ZBTB20: variants seen among roughly 807,000 people sequenced by gnomAD.
ZBTB20 encodes zinc finger and BTB domain-containing protein 20.
ZBTB20 carries 9 observed loss-of-function variants against 56.9 expected under a neutral mutation model. The ratio of observed to expected loss-of-function variants is 0.16; its 90% CI spans 0.10 to 0.28. ZBTB20 has a LOEUF of 0.28. Ranked by LOEUF, ZBTB20 falls within the 10% of genes least tolerant of loss-of-function variation. ZBTB20 has a pLI of 1.00. For missense variants in ZBTB20, 655 were observed against 1,003.0 expected, an observed-to-expected ratio of 0.65 and a Z score of 4.69; for synonymous variants, 417 against 420.7, an observed-to-expected ratio of 0.99 and a Z score of 0.11.
chr3:114,435,363 T>G (rs2090448341), intron 7 of ZBTB20, among the ~76,000 whole-genome samples: 1 of 152,214 alleles, frequency 6.6e-6, no homozygotes, highest in African/African-American at 2.4e-5. Flanking sequence ...GTTATCTCAT[T>G]TGATCTTCAT....
intron 2 of ZBTB20, among the ~76,000 whole-genome samples, chr3:115,027,902 A>G (rs1301901111): frequency 6.6e-6 from 1 of 150,834 alleles, no homozygotes; most frequent in Non-Finnish European, 1.5e-5. Context: ...AGCAAATTCT[A>G]TTTAATTTCC....
At chr3:114,864,880 T>C (rs1461891356) in intron 4 of ZBTB20, among the ~76,000 whole-genome samples, 1 of 152,150 alleles carries the variant, frequency 6.6e-6, no homozygotes, top group Admixed American at 6.5e-5. Flanking sequence ...GCCACACTTC[T>C]TCAATCTGCA....
intron 2 of ZBTB20, among the ~76,000 whole-genome samples, chr3:115,056,144 T>C (rs2081772835): frequency 1.3e-5 from 2 of 152,094 alleles, no homozygotes; most frequent in African/African-American, 4.8e-5. Flanking sequence ...GTGTAAAACA[T>C]TTTTTACAGC....
intron 2 of ZBTB20, among the ~76,000 whole-genome samples, chr3:114,979,172 A>G (rs1373598805): frequency 6.6e-6 from 1 of 152,070 alleles, no homozygotes; most frequent in Non-Finnish European, 1.5e-5. Flanking sequence ...AAAGAAAAGC[A>G]CAGCCTGGAA....
intron 6 of ZBTB20, among the ~76,000 whole-genome samples, chr3:114,618,687 A>G (rs1315799102): frequency 6.6e-6 from 1 of 152,230 alleles, no homozygotes; most frequent in Non-Finnish European, 1.5e-5. Context: ...TGAATGGGTT[A>G]CTATTATCCT....
intron 6 of ZBTB20, among the ~76,000 whole-genome samples, chr3:114,576,049 A>C (rs2053978658): frequency 6.6e-6 from 1 of 152,230 alleles, no homozygotes; most frequent in Admixed American, 6.5e-5. Context: ...CCGTGTGTGC[A>C]TGTGTGTAAC....
chr3:114,877,866 C>G (rs1011232418), intron 4 of ZBTB20, among the ~76,000 whole-genome samples: 1 of 152,016 alleles, frequency 6.6e-6, no homozygotes, highest in African/African-American at 2.4e-5. Context: ...TACAATTTAA[C>G]TGCTAGCTTG....
chr3:114,605,165 A>G (rs1360233834), intron 6 of ZBTB20, among the ~76,000 whole-genome samples: 1 of 152,132 alleles, frequency 6.6e-6, no homozygotes, highest in Non-Finnish European at 1.5e-5. Context: ...GTGCATTATA[A>G]TTAATAATAA....
intron 2 of ZBTB20, among the ~76,000 whole-genome samples, chr3:115,012,723 T>C (rs977094186): frequency 3.3e-5 from 5 of 151,934 alleles, no homozygotes; most frequent in African/African-American, 1.2e-4. Context: ...ATGGATCTAA[T>C]AGATATTTAC....
intron 4 of ZBTB20, among the ~76,000 whole-genome samples, chr3:114,815,973 A>G (rs2072886979): frequency 6.6e-6 from 1 of 152,178 alleles, no homozygotes; most frequent in South Asian, 2.1e-4. Flanking sequence ...ACTGAGAGTC[A>G]GCTACGCCTA....
intron 3 of ZBTB20, among the ~76,000 whole-genome samples, chr3:114,934,228 C>A (rs2076455029): frequency 6.6e-6 from 1 of 152,150 alleles, no homozygotes. Flanking sequence ...CCAACTTTCC[C>A]CATTTCTAGA....
chr3:114,672,998 T>G (rs1463339775), intron 6 of ZBTB20, among the ~76,000 whole-genome samples: 1 of 152,168 alleles, frequency 6.6e-6, no homozygotes, highest in Non-Finnish European at 1.5e-5. Context: ...CCCAAGTGAT[T>G]TCCATACACA....
At chr3:115,104,010 T>C (rs1225801626) in intron 1 of ZBTB20, among the ~76,000 whole-genome samples, 1 of 152,068 alleles carries the variant, frequency 6.6e-6, no homozygotes, top group Non-Finnish European at 1.5e-5. Flanking sequence ...AGTAAGAAAA[T>C]ATTATAACCT....
intron 9 of ZBTB20, 23 bp downstream of exon 9, chr3:114,380,754 A>G (rs1026550616): frequency 1.3e-6 from 2 of 1,499,088 alleles, no homozygotes; most frequent in African/African-American, 2.8e-5. Flanking sequence ...CATGGTCTGG[A>G]AAAATACTAG....
intron 5 of ZBTB20, among the ~76,000 whole-genome samples, chr3:114,708,456 T>G (rs2063849130): frequency 1.3e-5 from 2 of 149,280 alleles, no homozygotes; most frequent in African/African-American, 2.5e-5. Flanking sequence ...CCTCTAGGAA[T>G]GTATCTAAAG....
Position 115,139,084 on chromosome 3 carries a change from T to A in ZBTB20, c.-703+8135A>T, listed in dbSNP as rs79566329. ...ACAATTTCTCCTGATTAGCTAGATGTTTGGTAAGCTAAAATAGCTTACCAT... is the reference window on the plus strand; with the variant it reads ...ACAATTTCTCCTGATTAGCTAGATGATTGGTAAGCTAAAATAGCTTACCAT... On this transcript the variant is annotated intron_variant, in intron 1 of 11. Coordinates refer to ENST00000675478, the MANE Select transcript of ZBTB20 (RefSeq NM_001348800.3). Among the ~76,000 whole-genome samples the A allele has an allele frequency of 3.7e-3, 556 of 152,194 alleles. 2 individuals are homozygous for A. The highest frequency in any genetic ancestry group is 0.012 in the African/African-American group (486 of 41,552).
chr3:114,773,724 T>G (rs2069381054), intron 5 of ZBTB20, among the ~76,000 whole-genome samples: 1 of 152,070 alleles, frequency 6.6e-6, no homozygotes, highest in South Asian at 2.1e-4. Context: ...TAATGAACAT[T>G]TAAGAAACAA....
chr3:114,727,957 G>A (rs1302537465), intron 5 of ZBTB20, among the ~76,000 whole-genome samples: 1 of 151,992 alleles, frequency 6.6e-6, no homozygotes, highest in African/African-American at 2.4e-5. Flanking sequence ...TTTGAGAACA[G>A]ACAGCAGCCC....
At chr3:114,793,429 G>A (rs1051756217) in intron 5 of ZBTB20, among the ~76,000 whole-genome samples, 3 of 151,722 alleles carry the variant, frequency 2.0e-5, no homozygotes, top group African/African-American at 7.3e-5. Flanking sequence ...GATATGATGG[G>A]GTATTGGGCA....
Sources: allele counts gnomAD v4.1 joint callset (sites outside exome capture counted in the v4.1 genomes callset), GRCh38; gene constraint gnomAD v4.1.1; transcripts MANE v1.5; gene names NCBI Gene and HGNC (gene_info 2026-07-23, HGNC 2026-07-21).